The following BRI3BP variants were observed in gnomAD, a reference collection of about 807,000 sequenced individuals.
BRI3BP encodes BRI3-binding protein.
Under a neutral mutation model 15.8 loss-of-function variants are expected in BRI3BP, and 7 were observed. That is an observed-to-expected ratio of 0.44 (90% CI 0.25 to 0.83). BRI3BP has a LOEUF of 0.83. Ranked by LOEUF, BRI3BP falls within the 40% of genes least tolerant of loss-of-function variation. BRI3BP has a pLI of 0.20. For missense variants in BRI3BP, 320 were observed against 339.3 expected, an observed-to-expected ratio of 0.94 and a Z score of 0.45; for synonymous variants, 192 against 163.5, an observed-to-expected ratio of 1.17 and a Z score of -1.33.
At chr12:125,020,106 G>T (rs1409297983) in intron 2 of BRI3BP, among the ~76,000 whole-genome samples, 2 of 151,730 alleles carry the variant, frequency 1.3e-5, no homozygotes, top group South Asian at 2.1e-4. Flanking sequence ...ACTATGCCCG[G>T]CTAATTTTGT....
At chr12:125,042,299 T>C in the BRI3BP span, among the ~76,000 whole-genome samples, 1 of 152,212 alleles carries the variant, frequency 6.6e-6, no homozygotes, top group African/African-American at 2.4e-5. Context: ...CTTTACCCTC[T>C]TCCCACTTGG....
At chr12:125,039,640 G>A in the BRI3BP span, among the ~76,000 whole-genome samples, 14 of 138,014 alleles carry the variant, frequency 1.0e-4, no homozygotes, top group African/African-American at 3.5e-4. Flanking sequence ...TCATTGGAAT[G>A]TTATTCCAAT....
chr12:125,020,709 A>G (rs1383298566), intron 2 of BRI3BP, among the ~76,000 whole-genome samples: 1 of 152,056 alleles, frequency 6.6e-6, no homozygotes, highest in African/African-American at 2.4e-5. Flanking sequence ...ACACAGTGAG[A>G]CCCTGTATCT....
In BRI3BP at chr12:125,014,432, G is replaced by A. The variant is rs555659847; in HGVS notation, c.316+1796G>A. 1.3e-3 allele frequency among the ~76,000 whole-genome samples: 205 copies of A among 152,314 alleles called. 1 individual carries two copies. Among genetic ancestry groups the A allele is most frequent in the Middle Eastern group, 3.4e-3 (1 of 294 alleles). Reference sequence around the variant, plus strand: ...TCAGCATATAGTTGTCCTCACAGCCGTGATTTATTGTGACGGAAGGACGCA... The same window carrying A: ...TCAGCATATAGTTGTCCTCACAGCCATGATTTATTGTGACGGAAGGACGCA... On this transcript the variant is annotated intron_variant, in intron 2 of 2. Coordinates refer to ENST00000341446, the MANE Select transcript of BRI3BP (RefSeq NM_080626.6).
chr12:125,024,371 T>C (rs1457688333), intron 2 of BRI3BP, among the ~76,000 whole-genome samples: 1 of 151,712 alleles, frequency 6.6e-6, no homozygotes, highest in African/African-American at 2.4e-5. Context: ...AAGATGAGAT[T>C]TGTGTGGGAG....
At chr12:124,996,297 T>A (rs114294854) in intron 1 of BRI3BP, among the ~76,000 whole-genome samples, 4,794 of 152,132 alleles carry the variant, frequency 0.032, 246 homozygotes, top group African/African-American at 0.11. Context: ...GGTTTTTTTT[T>A]AAATTTAATT....
Position 125,025,721 on chromosome 12 carries a change from G to T in BRI3BP, c.*291G>T. On this transcript the variant is annotated 3_prime_UTR_variant, in exon 3 of 3. Transcript: ENST00000341446. ...TGTACAGTAAGAGAAATTTATCTGTGCATAGAGCATAAAGTTAATTTTTTC... is the reference window on the plus strand; with the variant it reads ...TGTACAGTAAGAGAAATTTATCTGTTCATAGAGCATAAAGTTAATTTTTTC... 6.9e-6 allele frequency: 2 copies of T among 287,952 alleles called. No individual in the cohort carries two copies. Among genetic ancestry groups the T allele is most frequent in the East Asian group, 6.2e-5 (1 of 16,022 alleles). 17.8% of individuals were successfully genotyped at this position (287,952 alleles called of 1,614,324 possible). A position where few individuals can be genotyped will look rare whatever the true frequency, so the allele number is the denominator to read the frequency against.
In BRI3BP at chr12:125,029,404, T is replaced by C. The variant is rs1451658429; in HGVS notation, c.*3974T>C. On this transcript the variant is annotated 3_prime_UTR_variant, in exon 3 of 3. Coordinates refer to ENST00000341446, the MANE Select transcript of BRI3BP (RefSeq NM_080626.6). ...AAAAATAGCCAGGTGTGGTGGTGGG[T>C]TCCTGTAGTCCCAGCTACTCAGGAG... 6.8e-6 allele frequency: 1 copy of C among 147,082 alleles called. No individual in the cohort carries two copies. Among genetic ancestry groups the C allele is most frequent in the Non-Finnish European group, 1.5e-5 (1 of 67,028 alleles). 9.1% of individuals were successfully genotyped at this position (147,082 alleles called of 1,614,324 possible).
chr12:125,020,109 A>G (rs1955284063), intron 2 of BRI3BP, among the ~76,000 whole-genome samples: 1 of 151,162 alleles, frequency 6.6e-6, no homozygotes, highest in South Asian at 2.1e-4. Flanking sequence ...ATGCCCGGCT[A>G]ATTTTGTATT....
the BRI3BP span, among the ~76,000 whole-genome samples, chr12:125,047,740 A>AG: frequency 2.6e-5 from 4 of 151,706 alleles, no homozygotes; most frequent in Admixed American, 2.6e-4. Flanking sequence ...TTTGCTGCCC[A>AG]GGCTGCGGTG....
chr12:125,040,135 G>A, the BRI3BP span, among the ~76,000 whole-genome samples: 7 of 151,702 alleles, frequency 4.6e-5, no homozygotes, highest in African/African-American at 7.3e-5. Context: ...GGTGGCGCAC[G>A]CCTGTAGTTC....
rs889389010 is a variant in BRI3BP, at chr12:125,025,633, A to G, written c.*203A>G. Reference sequence around the variant, plus strand: ...GGAAAGATCATTGACGTGGAACTACACACGAAGTGTAATTAGTGGGGGAAA... The same window carrying G: ...GGAAAGATCATTGACGTGGAACTACGCACGAAGTGTAATTAGTGGGGGAAA... On this transcript the variant is annotated 3_prime_UTR_variant, in exon 3 of 3. Coordinates refer to ENST00000341446, the MANE Select transcript of BRI3BP (RefSeq NM_080626.6). 7 of 562,218 alleles carry G rather than the reference A, an allele frequency of 1.2e-5. No individual in the cohort carries two copies. The highest frequency in any genetic ancestry group is 9.3e-5 in the African/African-American group (5 of 53,644). 34.8% of individuals were successfully genotyped at this position (562,218 alleles called of 1,614,324 possible). A position where few individuals can be genotyped will look rare whatever the true frequency, so the allele number is the denominator to read the frequency against.
chr12:125,046,166 A>G, the BRI3BP span, among the ~76,000 whole-genome samples: 3 of 150,640 alleles, frequency 2.0e-5, no homozygotes, highest in African/African-American at 7.3e-5. Flanking sequence ...CTTTGTCTCA[A>G]AAAAAAAAAC....
At chr12:125,020,658 A>T (rs1955290508) in intron 2 of BRI3BP, among the ~76,000 whole-genome samples, 1 of 152,162 alleles carries the variant, frequency 6.6e-6, no homozygotes, top group South Asian at 2.1e-4. Context: ...GTTGAGGCAG[A>T]TGGATTGCTT....
chr12:125,043,561 T>A, the BRI3BP span, among the ~76,000 whole-genome samples: 3 of 151,584 alleles, frequency 2.0e-5, no homozygotes, highest in Admixed American at 6.6e-5. Context: ...TTTTTTTTTT[T>A]AATTAGCCAA....
intron 1 of BRI3BP, among the ~76,000 whole-genome samples, chr12:125,009,096 CT>C: frequency 8.8e-6 from 1 of 113,638 alleles, no homozygotes; most frequent in Non-Finnish European, 2.0e-5. Flanking sequence ...CTGCCTCAGT[CT>C]CTCCCAAGTA....
chr12:125,045,491 G>A, the BRI3BP span, among the ~76,000 whole-genome samples: 16 of 152,154 alleles, frequency 1.1e-4, no homozygotes, highest in East Asian at 2.3e-3. Flanking sequence ...GCATCATCAC[G>A]CCCGGCTAAT....
chr12:125,040,234 C>T, the BRI3BP span, among the ~76,000 whole-genome samples: 1 of 150,430 alleles, frequency 6.6e-6, no homozygotes, highest in African/African-American at 2.4e-5. Context: ...TGCACTCCAG[C>T]CTGGTGACAG....
chr12:125,040,715 C>T, the BRI3BP span, among the ~76,000 whole-genome samples: 1 of 151,700 alleles, frequency 6.6e-6, no homozygotes, highest in African/African-American at 2.4e-5. Context: ...TTTGTTATTT[C>T]ATTTTATTTA....
Sources: gnomAD v4.1 joint callset for allele counts (sites outside exome capture counted in the v4.1 genomes callset) on GRCh38, gnomAD v4.1.1 for gene constraint, MANE v1.5 for transcripts, NCBI Gene and HGNC (gene_info 2026-07-23, HGNC 2026-07-21) for gene names.